Variants in LHFPL6 observed in about 807,000 individuals in gnomAD.
LHFPL6 encodes LHFPL tetraspan subfamily member 6 protein.
A neutral mutation model predicts 20.6 loss-of-function variants in LHFPL6; 9 were observed. The ratio of observed to expected loss-of-function variants is 0.44; its 90% CI spans 0.26 to 0.76. The LOEUF is 0.76. LHFPL6 is among the 30% of genes least tolerant of loss of function. The pLI is 0.20. For missense variants in LHFPL6, 218 were observed against 253.5 expected, an observed-to-expected ratio of 0.86 and a Z score of 0.95; for synonymous variants, 105 against 98.7, an observed-to-expected ratio of 1.06 and a Z score of -0.38.
At chr13:39,385,932 T>C (rs375491464) in intron 2 of LHFPL6, among the ~76,000 whole-genome samples, 3 of 152,220 alleles carry the variant, frequency 2.0e-5, no homozygotes, top group African/African-American at 7.2e-5. Flanking sequence ...CCATTCTTTT[T>C]CCACTGTTTA....
chr13:39,465,930 TAGAGAGGATG>T, intron 2 of LHFPL6, among the ~76,000 whole-genome samples: 1 of 152,052 alleles, frequency 6.6e-6, no homozygotes, highest in South Asian at 2.1e-4. Context: ...AAGACTGAAC[TAGAGAGGATG>T]GGTGGCGGCT....
intron 2 of LHFPL6, among the ~76,000 whole-genome samples, chr13:39,513,495 A>G (rs1869796722): frequency 2.0e-5 from 3 of 152,208 alleles, no homozygotes; most frequent in Admixed American, 6.5e-5. Context: ...AAAACTATAC[A>G]AAGATAGAAA....
At chr13:39,515,044 C>G (rs1370076099) in intron 2 of LHFPL6, among the ~76,000 whole-genome samples, 1 of 152,262 alleles carries the variant, frequency 6.6e-6, no homozygotes, top group South Asian at 2.1e-4. Flanking sequence ...CGAGCCACTG[C>G]TATTGAACTG....
At chr13:39,562,387 T>A (rs1244561841) in intron 2 of LHFPL6, among the ~76,000 whole-genome samples, 1 of 60,854 alleles carries the variant, frequency 1.6e-5, no homozygotes, top group African/African-American at 4.2e-5. Flanking sequence ...TATATACATA[T>A]ACATATATAT....
intron 2 of LHFPL6, among the ~76,000 whole-genome samples, chr13:39,474,063 G>GT (rs1424407747): frequency 6.6e-6 from 1 of 152,162 alleles, no homozygotes; most frequent in Non-Finnish European, 1.5e-5. Flanking sequence ...ATGCTGGGTG[G>GT]TTTATCTTCC....
chr13:39,401,503 T>C (rs1000563851), intron 2 of LHFPL6, among the ~76,000 whole-genome samples: 2 of 152,194 alleles, frequency 1.3e-5, no homozygotes, highest in African/African-American at 4.8e-5. Context: ...TTTGTGTCTG[T>C]TCTTTCCAGC....
At chr13:39,574,042 T>C (rs1425231540) in intron 2 of LHFPL6, among the ~76,000 whole-genome samples, 1 of 152,116 alleles carries the variant, frequency 6.6e-6, no homozygotes, top group Non-Finnish European at 1.5e-5. Context: ...GGGCATATTA[T>C]AATGGGAAGG....
chr13:39,485,476 G>A lies in LHFPL6; in HGVS notation c.386-106950C>T, dbSNP rs376895997. On this transcript the variant is annotated intron_variant, in intron 2 of 3. Transcript: ENST00000379589. ...AGCAACCCTATGGGTCAATGGGAAA[G>A]AAATAGAAGGAAGATAAAGGACAGT... Among the ~76,000 whole-genome samples, 8 of 152,288 alleles carry A rather than the reference G, an allele frequency of 5.3e-5. No individual in the cohort carries two copies. The South Asian group carries it at 8.3e-4, about 16-fold the overall frequency.
At chr13:39,559,345 T>C (rs1338558385) in intron 2 of LHFPL6, among the ~76,000 whole-genome samples, 1 of 152,212 alleles carries the variant, frequency 6.6e-6, no homozygotes. Context: ...GTGTTTATTC[T>C]CATGTGACTG....
chr13:39,570,109 T>C (rs1260949802), intron 2 of LHFPL6, among the ~76,000 whole-genome samples: 1 of 152,182 alleles, frequency 6.6e-6, no homozygotes, highest in Non-Finnish European at 1.5e-5. Flanking sequence ...TTTTCAAGCT[T>C]AATCTTTCTT....
chr13:39,406,202 T>C (rs1871109409), intron 2 of LHFPL6, among the ~76,000 whole-genome samples: 1 of 152,218 alleles, frequency 6.6e-6, no homozygotes, highest in Non-Finnish European at 1.5e-5. Flanking sequence ...CAATTTACAT[T>C]GTTATGTAAT....
intron 2 of LHFPL6, among the ~76,000 whole-genome samples, chr13:39,537,668 T>G (rs1027528546): frequency 6.6e-6 from 1 of 152,224 alleles, no homozygotes; most frequent in Non-Finnish European, 1.5e-5. Flanking sequence ...TGTTGCTTTT[T>G]GCTGATATTC....
intron 2 of LHFPL6, among the ~76,000 whole-genome samples, chr13:39,590,878 G>A (rs913621650): frequency 3.3e-5 from 5 of 152,128 alleles, no homozygotes; most frequent in African/African-American, 9.7e-5. Flanking sequence ...TGTTAGTGAG[G>A]TTAACTAATC....
chr13:39,412,386 C>T (rs1016771868), intron 2 of LHFPL6, among the ~76,000 whole-genome samples: 1 of 152,180 alleles, frequency 6.6e-6, no homozygotes, highest in East Asian at 1.9e-4. Context: ...CTGACCACTA[C>T]TTCTAAGTCT....
At chr13:39,483,660 A>G (rs550266328) in intron 2 of LHFPL6, among the ~76,000 whole-genome samples, 1 of 152,264 alleles carries the variant, frequency 6.6e-6, no homozygotes, top group East Asian at 1.9e-4. Flanking sequence ...TCAGAAGCTA[A>G]GTGGATGCAA....
intron 2 of LHFPL6, among the ~76,000 whole-genome samples, chr13:39,535,348 T>C (rs923058909): frequency 2.0e-5 from 3 of 152,352 alleles, no homozygotes; most frequent in East Asian, 1.9e-4. Flanking sequence ...CTGTCTCCTC[T>C]TTTTGCTCCA....
chr13:39,498,501 G>A (rs373674282), intron 2 of LHFPL6, among the ~76,000 whole-genome samples: 75 of 152,110 alleles, frequency 4.9e-4, no homozygotes, highest in African/African-American at 1.6e-3. Context: ...CCTTTTTCTC[G>A]TTCAGATTTA....
chr13:39,560,024 T>G (rs1871422452), intron 2 of LHFPL6, among the ~76,000 whole-genome samples: 1 of 152,174 alleles, frequency 6.6e-6, no homozygotes, highest in African/African-American at 2.4e-5. Flanking sequence ...CAAGACCAAC[T>G]GAGCTTCCAG....
chr13:39,580,715 T>G (rs932359865), intron 2 of LHFPL6, among the ~76,000 whole-genome samples: 15 of 152,206 alleles, frequency 9.9e-5, no homozygotes, highest in African/African-American at 1.7e-4. Context: ...ATTAGGTAAC[T>G]TACATGTTTT....
Sources: allele counts gnomAD v4.1 joint callset (sites outside exome capture counted in the v4.1 genomes callset), GRCh38; gene constraint gnomAD v4.1.1; transcripts MANE v1.5; gene names NCBI Gene and HGNC (gene_info 2026-07-23, HGNC 2026-07-21).